ARID1B: variants seen among roughly 807,000 people sequenced by gnomAD.
ARID1B encodes AT-rich interaction domain 1B.
ARID1B carries 30 observed loss-of-function variants against 212.3 expected under a neutral mutation model. That is an observed-to-expected ratio of 0.14 (90% CI 0.11 to 0.19). ARID1B has a LOEUF of 0.19. Ranked by LOEUF, ARID1B falls within the 10% of genes least tolerant of loss-of-function variation. ARID1B has a pLI of 1.00. For synonymous variants in ARID1B, 1,402 were observed against 1,301.7 expected (o/e 1.08, Z -1.66); for missense variants, 2,891 against 3,204.0 (o/e 0.90, Z 2.36).
At chr6:157,108,441 A>G (rs966402904) in intron 5 of ARID1B, among the ~76,000 whole-genome samples, 1 of 152,222 alleles carries the variant, frequency 6.6e-6, no homozygotes, top group African/African-American at 2.4e-5. Flanking sequence ...CCAGCCTGTC[A>G]TGCAGAAGTG....
intron 5 of ARID1B, among the ~76,000 whole-genome samples, chr6:157,106,534 T>C (rs1037869806): frequency 9.9e-5 from 15 of 152,246 alleles, no homozygotes; most frequent in Admixed American, 7.9e-4. Context: ...CTAGAAGGCC[T>C]GAACCCTGTT....
rs1786121114 is a variant in ARID1B, at chr6:156,871,466, A to G, written c.1987-29910A>G. 1.4e-5 allele frequency: 9 copies of G among 665,398 alleles called. No individual in the cohort carries two copies. In the South Asian group the frequency reaches 1.6e-4, roughly 12 times the overall value. 41.2% of individuals were successfully genotyped at this position (665,398 alleles called of 1,614,324 possible). A position where few individuals can be genotyped will look rare whatever the true frequency, so the allele number is the denominator to read the frequency against. On this transcript the variant is annotated intron_variant, in intron 2 of 19. Transcript: ENST00000636930. ...GCACATTTGATAGGGAGTGGTGGAGAAGGCCTGATACAGATGGGGACCTGA... is the reference window on the plus strand; with the variant it reads ...GCACATTTGATAGGGAGTGGTGGAGGAGGCCTGATACAGATGGGGACCTGA...
chr6:157,039,694 C>CTTCCTTCCTTCCTTCCTTCCTT (rs1554287218), intron 4 of ARID1B, among the ~76,000 whole-genome samples: 28 of 58,476 alleles, frequency 4.8e-4, no homozygotes, highest in Middle Eastern at 9.8e-3. Context: ...TCCTTCCTTC[C>CTTCCTTCCTTCCTTCCTTCCTT]TTCTTTCTTT....
intron 9 of ARID1B, among the ~76,000 whole-genome samples, chr6:157,171,479 G>C (rs1334468091): frequency 6.6e-6 from 1 of 152,214 alleles, no homozygotes; most frequent in Admixed American, 6.5e-5. Context: ...GCTCGTTTCA[G>C]TGATTCCTTG....
intron 1 of ARID1B, chr6:156,779,709 ACC>A (rs1186571780): frequency 5.8e-6 from 1 of 172,184 alleles, no homozygotes; most frequent in African/African-American, 2.5e-5. Context: ...GGTGGCTTCT[ACC>A]CCGCCGGCCC....
intron 2 of ARID1B, among the ~76,000 whole-genome samples, chr6:156,865,266 G>A (rs1171143082): frequency 1.3e-5 from 2 of 152,130 alleles, no homozygotes; most frequent in African/African-American, 2.4e-5. Flanking sequence ...TGGTTCAAGA[G>A]ACCAAATTTT....
intron 4 of ARID1B, among the ~76,000 whole-genome samples, chr6:157,053,740 TA>T (rs1782753849): frequency 1.3e-5 from 2 of 152,154 alleles, no homozygotes. Context: ...AGCCTTTCTA[TA>T]AGTTTGATTT....
At chr6:156,797,446 C>T (rs1438810390) in intron 1 of ARID1B, among the ~76,000 whole-genome samples, 2 of 152,236 alleles carry the variant, frequency 1.3e-5, no homozygotes, top group African/African-American at 4.8e-5. Flanking sequence ...GCCTGAGCCT[C>T]TTGTGCCATA....
intron 6 of ARID1B, among the ~76,000 whole-genome samples, chr6:157,118,313 T>C (rs539688082): frequency 6.6e-6 from 1 of 152,348 alleles, no homozygotes; most frequent in East Asian, 1.9e-4. Flanking sequence ...AGTGTGACAG[T>C]AGATCTGCAG....
chr6:157,127,787 A>G (rs1167100395), intron 6 of ARID1B, among the ~76,000 whole-genome samples: 2 of 118,854 alleles, frequency 1.7e-5, no homozygotes, highest in Non-Finnish European at 3.6e-5. Flanking sequence ...CTGTCTCAAA[A>G]AAAAAAAAAA....
chr6:157,009,583 A>G (rs1779442492), intron 4 of ARID1B, among the ~76,000 whole-genome samples: 1 of 152,254 alleles, frequency 6.6e-6, no homozygotes, highest in South Asian at 2.1e-4. Flanking sequence ...TAGATATAAA[A>G]GCTTTATCTG....
chr6:157,036,985 CTG>C (rs1781373801), intron 4 of ARID1B: 2 of 395,486 alleles, frequency 5.1e-6, no homozygotes, highest in Admixed American at 7.1e-5. Flanking sequence ...AATCAAAACA[CTG>C]AGGTTTAAAA....
chr6:156,784,341 T>C (rs980851076), intron 1 of ARID1B, among the ~76,000 whole-genome samples: 16 of 152,246 alleles, frequency 1.1e-4, no homozygotes, highest in African/African-American at 3.9e-4. Flanking sequence ...ACCAAGAATA[T>C]ATTTCTGTAT....
At chr6:157,063,942 CACCGCAGTGCTCT>C (rs1783512088) in intron 4 of ARID1B, among the ~76,000 whole-genome samples, 1 of 152,210 alleles carries the variant, frequency 6.6e-6, no homozygotes, top group African/African-American at 2.4e-5. Flanking sequence ...CACTGGTTGG[CACCGCAGTGCTCT>C]ACCTGCAGGC....
chr6:157,038,353 T>C (rs778948140), intron 4 of ARID1B, among the ~76,000 whole-genome samples: 3 of 152,142 alleles, frequency 2.0e-5, no homozygotes, highest in Admixed American at 2.0e-4. Flanking sequence ...TATATACATA[T>C]ATATATTTTA....
At chr6:156,878,352 A>C (rs886647225) in intron 2 of ARID1B, among the ~76,000 whole-genome samples, 9 of 152,122 alleles carry the variant, frequency 5.9e-5, no homozygotes, top group Non-Finnish European at 1.0e-4. Flanking sequence ...AACAAGGGAG[A>C]CCACACCATG....
chr6:157,145,936 G>A (rs2128623171), intron 7 of ARID1B, among the ~76,000 whole-genome samples: 1 of 152,274 alleles, frequency 6.6e-6, no homozygotes, highest in East Asian at 1.9e-4. Context: ...CATAGTAAAT[G>A]TTAAGTGTTT....
At chr6:157,132,602 GC>G (rs1273435318) in intron 6 of ARID1B, among the ~76,000 whole-genome samples, 1 of 152,216 alleles carries the variant, frequency 6.6e-6, no homozygotes, top group African/African-American at 2.4e-5. Flanking sequence ...TGACCAGAGA[GC>G]TGCATCCCAC....
chr6:157,052,321 G>A (rs1209437752), intron 4 of ARID1B, among the ~76,000 whole-genome samples: 1 of 152,198 alleles, frequency 6.6e-6, no homozygotes, highest in Admixed American at 6.5e-5. Flanking sequence ...TTCAACTAGG[G>A]TATTGAATGG....
Sources: gnomAD v4.1 joint callset for allele counts (sites outside exome capture counted in the v4.1 genomes callset) on GRCh38, gnomAD v4.1.1 for gene constraint, MANE v1.5 for transcripts, NCBI Gene and HGNC (gene_info 2026-07-23, HGNC 2026-07-21) for gene names.